Variants in ADAMTS16 observed in about 807,000 individuals in gnomAD.
The protein encoded by ADAMTS16 is A disintegrin and metalloproteinase with thrombospondin motifs 16.
A neutral mutation model predicts 145.8 loss-of-function variants in ADAMTS16; 94 were observed. The ratio of observed to expected loss-of-function variants is 0.64; its 90% CI spans 0.55 to 0.77. The LOEUF (loss-of-function observed/expected upper bound fraction) is 0.77, where lower values mean the gene tolerates loss of function less well. Among genes scored for constraint, ADAMTS16 ranks in the 30% least tolerant of loss-of-function variants. The pLI is 0.00. For missense variants in ADAMTS16, 1,585 were observed against 1,591.5 expected, an observed-to-expected ratio of 1.00 and a Z score of 0.07; for synonymous variants, 659 against 604.3, an observed-to-expected ratio of 1.09 and a Z score of -1.33.
rs780172348 is a variant in ADAMTS16 at position 5,234,977 on chromosome 5, A to G, written c.1851-37A>G. 2.0e-6 allele frequency: 3 copies of G among 1,488,266 alleles called. No homozygotes were observed. In the South Asian group the frequency reaches 4.3e-5, roughly 21 times the overall value. The allele number at this position is 1,488,266 out of a possible 1,614,324, so 92.2% of individuals were successfully genotyped here. A position where few individuals can be genotyped will look rare whatever the true frequency, so the allele number is the denominator to read the frequency against. The stretch of plus-strand genomic sequence containing the variant: ...ATTTTAAAGAATTTAGTAGCTACTA[A>G]AATATAAAAATTCTAACTTCAAAAT... On this transcript the variant is annotated intron_variant, in intron 12 of 22. Coordinates refer to ENST00000274181, the MANE Select transcript of ADAMTS16 (RefSeq NM_139056.4).
chr5:5,274,302 A>G (rs10045494), intron 18 of ADAMTS16, among the ~76,000 whole-genome samples: 93,513 of 151,956 alleles, frequency 0.62, 29,242 homozygotes, highest in African/African-American at 0.71. Context: ...TCAATCCACC[A>G]TGATAGTATA....
At chr5:5,296,836 A>G (rs529004568) in intron 18 of ADAMTS16, among the ~76,000 whole-genome samples, 73 of 152,120 alleles carry the variant, frequency 4.8e-4, no homozygotes, top group Non-Finnish European at 8.8e-4. Flanking sequence ...TTAGGTCTAG[A>G]TCGTTAGGTT....
rs142099635 is a variant in ADAMTS16, at chr5:5,306,133, G to A, written c.3187-371G>A. Among the ~76,000 whole-genome samples the A allele has an allele frequency of 9.8e-4, 150 of 152,332 alleles. 1 individual carries two copies. Among genetic ancestry groups the A allele is most frequent in the African/African-American group, 3.4e-3 (143 of 41,584 alleles). ...TAGGGGCCAACATCACTGCATTTGC[G>A]TGGGTTAATCCATGGACCCGTGGTA... On this transcript the variant is annotated intron_variant, in intron 20 of 22. Coordinates refer to ENST00000274181, the MANE Select transcript of ADAMTS16 (RefSeq NM_139056.4).
intron 18 of ADAMTS16, among the ~76,000 whole-genome samples, chr5:5,290,269 T>C (rs1358458793): frequency 6.6e-6 from 1 of 152,202 alleles, no homozygotes; most frequent in Non-Finnish European, 1.5e-5. Context: ...CCTAGTCAGC[T>C]GTTAAAATGT....
chr5:5,276,111 G>GACTCA (rs765615495), intron 18 of ADAMTS16, among the ~76,000 whole-genome samples: 1 of 151,468 alleles, frequency 6.6e-6, no homozygotes, highest in African/African-American at 2.4e-5. Flanking sequence ...CACCCATCTT[G>GACTCA]GCCTCCCAAA....
intron 11 of ADAMTS16, among the ~76,000 whole-genome samples, chr5:5,230,208 C>T (rs745514106): frequency 3.9e-4 from 59 of 151,998 alleles, no homozygotes; most frequent in Non-Finnish European, 7.4e-4. Flanking sequence ...TATTTTATCA[C>T]GTGAATTCAG....
intron 3 of ADAMTS16, among the ~76,000 whole-genome samples, chr5:5,152,034 A>G (rs1734478171): frequency 6.6e-6 from 1 of 152,196 alleles, no homozygotes. Context: ...TTCACTTAGC[A>G]TATTGTCTTC....
intron 3 of ADAMTS16, among the ~76,000 whole-genome samples, chr5:5,165,389 G>A (rs80228670): frequency 3.0e-3 from 455 of 152,232 alleles, no homozygotes; most frequent in Non-Finnish European, 4.8e-3. Flanking sequence ...CTACACAAAT[G>A]CAGCTGCTAA....
At chr5:5,163,942 C>A (rs1334321100) in intron 3 of ADAMTS16, among the ~76,000 whole-genome samples, 1 of 152,166 alleles carries the variant, frequency 6.6e-6, no homozygotes, top group East Asian at 1.9e-4. Context: ...CAGGAACTAG[C>A]CCTTTGTGAT....
chr5:5,254,028 C>T (rs987829878), intron 17 of ADAMTS16, among the ~76,000 whole-genome samples: 2 of 152,196 alleles, frequency 1.3e-5, no homozygotes, highest in East Asian at 3.9e-4. Flanking sequence ...CCTACACCTA[C>T]GGTGGCCTGA....
At chr5:5,191,648 C>T (rs1272585672) in intron 7 of ADAMTS16, 37 bp from the exon 8 acceptor site, 2 of 1,514,856 alleles carry the variant, frequency 1.3e-6, no homozygotes, top group Non-Finnish European at 1.8e-6. Context: ...TTTATTACAA[C>T]ACCGCTATGT....
At chr5:5,312,547 A>G (rs1231022980) in intron 21 of ADAMTS16, among the ~76,000 whole-genome samples, 1 of 150,322 alleles carries the variant, frequency 6.7e-6, no homozygotes, top group East Asian at 2.0e-4. Context: ...TTCCAGGTTC[A>G]TGCAATTCTC....
In ADAMTS16 at chr5:5,238,024, T is replaced by C. The variant is rs553303954; in HGVS notation, c.2154+925T>C. On this transcript the variant is annotated intron_variant, in intron 14 of 22. Coordinates refer to ENST00000274181, the MANE Select transcript of ADAMTS16 (RefSeq NM_139056.4). ...TTTTCTAGTTCTCGCTTCCCCTAAA[T>C]TATTGACCATGGTAAAGTTGAATCA... Among the ~76,000 whole-genome samples, 88 of 152,320 alleles carry C rather than the reference T, an allele frequency of 5.8e-4. 1 individual carries two copies. The highest frequency in any genetic ancestry group is 1.1e-3 in the Non-Finnish European group (72 of 68,028).
chr5:5,290,734 G>A (rs1223778077), intron 18 of ADAMTS16, among the ~76,000 whole-genome samples: 1 of 152,188 alleles, frequency 6.6e-6, no homozygotes. Context: ...CTTCTCTTGG[G>A]AGTTAATCAA....
At chr5:5,229,215 A>T (rs11134098) in intron 11 of ADAMTS16, among the ~76,000 whole-genome samples, 5 of 148,840 alleles carry the variant, frequency 3.4e-5, no homozygotes, top group Admixed American at 6.7e-5. Context: ...GGAGAATGGC[A>T]TGAACCCGGG....
rs551217794 is a variant in ADAMTS16 at position 5,225,697 on chromosome 5, C to T, written c.1701+2813C>T. 3.3e-5 allele frequency among the ~76,000 whole-genome samples: 5 copies of T among 152,002 alleles called. No homozygotes were observed. In the South Asian group the frequency reaches 6.2e-4, roughly 19 times the overall value. On this transcript the variant is annotated intron_variant, in intron 11 of 22. Transcript: ENST00000274181. ...CAGCAGTTGCATTCTTTGGAAGCTTCAGTCAACACTCACTGAATCCACATT... is the reference window on the plus strand; with the variant it reads ...CAGCAGTTGCATTCTTTGGAAGCTTTAGTCAACACTCACTGAATCCACATT...
At chr5:5,257,754 G>C (rs2913651) in intron 17 of ADAMTS16, among the ~76,000 whole-genome samples, 1 of 152,126 alleles carries the variant, frequency 6.6e-6, no homozygotes, top group East Asian at 1.9e-4. Flanking sequence ...GTTCAGTTCT[G>C]ATACTGACTA....
At position 5,306,730 on chromosome 5, in the gene ADAMTS16, T is replaced by C; in HGVS notation, c.3411+2T>C. ...TGGTTTGCCTCACCCTGGTCTCAGG[T>C]AGGGGAGGCCCTCGGTTCCTGGAGA... On this transcript the variant is annotated splice_donor_variant, in intron 21 of 22. Transcript: ENST00000274181. LOFTEE classifies it high-confidence loss of function. 6.2e-7 allele frequency: 1 copy of C among 1,602,438 alleles called. No individual in the cohort carries two copies. Among genetic ancestry groups the C allele is most frequent in the Non-Finnish European group, 8.5e-7 (1 of 1,173,840 alleles).
Position 5,140,654 on chromosome 5 carries a change from T to G in ADAMTS16, c.73-10T>G. The G allele has an allele frequency of 6.5e-7, 1 of 1,542,818 alleles. No individual in the cohort carries two copies. Among genetic ancestry groups the G allele is most frequent in the Non-Finnish European group, 8.7e-7 (1 of 1,148,292 alleles). ...CCGTCTCACCGCGATGTCGCCGCTG[T>G]TTTCCGCAGGCACCTGCGTGCGCCA... On this transcript the variant is annotated splice_polypyrimidine_tract_variant and intron_variant, in intron 1 of 22. Coordinates refer to ENST00000274181, the MANE Select transcript of ADAMTS16 (RefSeq NM_139056.4).
Sources: gnomAD v4.1 joint callset for allele counts (sites outside exome capture counted in the v4.1 genomes callset) on GRCh38, gnomAD v4.1.1 for gene constraint, MANE v1.5 for transcripts, NCBI Gene and HGNC (gene_info 2026-07-23, HGNC 2026-07-21) for gene names.